The following SYNJ2 variants were observed in gnomAD, a reference collection of about 807,000 sequenced individuals.
SYNJ2 encodes synaptojanin 2.
A neutral mutation model predicts 141.3 loss-of-function variants in SYNJ2; 116 were observed. The observed-to-expected ratio is 0.82, with a 90% CI of 0.71 to 0.96. The LOEUF (loss-of-function observed/expected upper bound fraction) is 0.96. Among genes scored for constraint, SYNJ2 ranks in the 40% least tolerant of loss-of-function variants. SYNJ2 has a pLI of 0.00. For missense variants in SYNJ2, 1,873 were observed against 1,934.8 expected (o/e 0.97, Z 0.60); for synonymous variants, 745 against 777.7 (o/e 0.96, Z 0.70).
intron 18 of SYNJ2, among the ~76,000 whole-genome samples, chr6:158,079,528 A>G (rs1310842573): frequency 6.6e-6 from 1 of 151,832 alleles, no homozygotes; most frequent in Non-Finnish European, 1.5e-5. Context: ...GTGCATCACC[A>G]TGCCCGGCTG....
intron 7 of SYNJ2, 46 bp downstream of exon 7, chr6:158,059,399 G>A (rs1781068213): frequency 1.9e-6 from 3 of 1,545,150 alleles, no homozygotes; most frequent in East Asian, 2.5e-5. Context: ...GCGGCAGGTG[G>A]CCATGGTGGA....
rs1783926504 is a variant in SYNJ2 at position 158,099,048 on chromosome 6, C to T, written c.*2684C>T. 1 of 152,132 alleles carries T rather than the reference C, an allele frequency of 6.6e-6. No individual in the cohort carries two copies. Among genetic ancestry groups the T allele is most frequent in the Non-Finnish European group, 1.5e-5 (1 of 68,024 alleles). 9.4% of individuals were successfully genotyped at this position (152,132 alleles called of 1,614,324 possible). On this transcript the variant is annotated 3_prime_UTR_variant, in exon 27 of 27. Coordinates refer to ENST00000355585, the MANE Select transcript of SYNJ2 (RefSeq NM_003898.4). ...CGTTCACTTTATAATGAAGTCATTT[C>T]ATTGGGAAGGAAAGCTGCAAAGATT...
chr6:158,093,037 T>C lies in SYNJ2; in HGVS notation c.3677T>C (p.Leu1226Pro). The C allele has an allele frequency of 6.2e-7, 1 of 1,610,862 alleles. No homozygotes were observed. Among genetic ancestry groups the C allele is most frequent in the African/African-American group, 1.3e-5 (1 of 74,516 alleles). Residue 1226 changes from leucine (L) to proline (P), a missense_variant, in exon 26 of 27, where the codon CTC becomes CCC. Physicochemically the swap from Leu to Pro is moderately conservative, Grantham distance 98 (BLOSUM62 -3). Transcript: ENST00000355585. ...CCAGAGACCCCACAGGCGCCCCCAC[T>C]CCTTCCCCGTCGGCCCCCACCCAGA... ...AKPETPQAPP[L>P]LPRRPPPRVP...
At position 158,069,522 on chromosome 6, in the gene SYNJ2, T is replaced by C; in HGVS notation, c.1800-11T>C. On this transcript the variant is annotated splice_polypyrimidine_tract_variant and intron_variant, in intron 13 of 26. Coordinates refer to ENST00000355585, the MANE Select transcript of SYNJ2 (RefSeq NM_003898.4). ...TACCTGTAAACAGCATCCTTTCCTT[T>C]TCTCTTCCAGTACTACCAACAAGAA... 1 of 1,609,084 alleles carries C rather than the reference T, an allele frequency of 6.2e-7. No homozygotes were observed. The highest frequency in any genetic ancestry group is 1.1e-5 in the South Asian group (1 of 90,568).
chr6:158,071,762 A>G lies in SYNJ2; in HGVS notation c.2101A>G (p.Lys701Glu), dbSNP rs910813419. 14 of 1,613,786 alleles carry G rather than the reference A, an allele frequency of 8.7e-6. No homozygotes were observed. Among genetic ancestry groups the G allele is most frequent in the Non-Finnish European group, 1.2e-5 (14 of 1,180,016 alleles). ...SQVKERNEDY[K>E]EITQKLCFPM... is the part of the protein sequence containing the mutation. ...GGTGAAGGAGCGGAATGAAGACTAC[A>G]AGGAGATCACCCAGAAACTCTGCTT... The change falls in exon 15 of 27, where the codon AAG becomes GAG. Residue 701 changes from lysine (K) to glutamate (E), a missense_variant. Coordinates refer to ENST00000355585, the MANE Select transcript of SYNJ2 (RefSeq NM_003898.4). The surrounding 1 kb of genome is among the most constrained non-coding windows in gnomAD (Gnocchi z 4.3).
intron 4 of SYNJ2, among the ~76,000 whole-genome samples, chr6:158,039,231 AAC>A (rs1375940330): frequency 6.6e-6 from 1 of 152,242 alleles, no homozygotes; most frequent in African/African-American, 2.4e-5. Flanking sequence ...TCGTTTTTAA[AAC>A]ACAAAACACG....
At chr6:157,996,254 A>AC (rs1347727994) in intron 1 of SYNJ2, among the ~76,000 whole-genome samples, 1 of 151,504 alleles carries the variant, frequency 6.6e-6, no homozygotes, top group African/African-American at 2.4e-5. Flanking sequence ...CATCCAACCT[A>AC]CCAGCCAGTA....
intron 23 of SYNJ2, 46 bp from the exon 24 acceptor site, chr6:158,088,614 T>C (rs2128397571): frequency 6.9e-7 from 1 of 1,458,786 alleles, no homozygotes; most frequent in East Asian, 2.3e-5. Flanking sequence ...GCTGGGAAGT[T>C]GTGCCTTCAC....
chr6:158,054,029 CCCAT>C (rs1780722049), intron 5 of SYNJ2, among the ~76,000 whole-genome samples: 2 of 150,758 alleles, frequency 1.3e-5, no homozygotes, highest in African/African-American at 4.9e-5. Flanking sequence ...CATCTATTCA[CCCAT>C]CCATCCATCC....
chr6:158,048,928 TAGAC>T (rs1780404418), intron 5 of SYNJ2, among the ~76,000 whole-genome samples: 1 of 152,126 alleles, frequency 6.6e-6, no homozygotes, highest in Non-Finnish European at 1.5e-5. Flanking sequence ...GAGACACAAT[TAGAC>T]AGAAGTCTAG....
intron 23 of SYNJ2, 138 bp downstream of exon 23, chr6:158,087,127 G>A (rs747929419): frequency 1.8e-5 from 18 of 1,023,380 alleles, no homozygotes; most frequent in African/African-American, 3.2e-5. Context: ...CTTGGGCTCC[G>A]TTTTGTTGTA....
rs1223326229 is a variant in SYNJ2 at position 158,086,928 on chromosome 6, G to A, written c.3282G>A (p.Arg1094=). 2 of 1,608,528 alleles carry A rather than the reference G, an allele frequency of 1.2e-6. No homozygotes were observed. The highest frequency in any genetic ancestry group is 1.7e-6 in the Non-Finnish European group (2 of 1,180,010). The change falls in exon 23 of 27, where the codon AGG becomes AGA. Residue 1094 remains arginine (R), a synonymous_variant. Coordinates refer to ENST00000355585, the MANE Select transcript of SYNJ2 (RefSeq NM_003898.4). ...VGEFRHRSPS[R]SLSVPNRPRP... is the part of the protein sequence containing the mutation. ...AGTTCCGCCACCGTTCTCCGAGCAG[G>A]TCTCTGTCGGTCCCCAACCGGCCTC... is the stretch of plus-strand genomic sequence containing the variant.
rs565340157 is a variant in SYNJ2, at chr6:158,027,044, G to A, written c.215-1712G>A. On this transcript the variant is annotated intron_variant, in intron 2 of 26. Coordinates refer to ENST00000355585, the MANE Select transcript of SYNJ2 (RefSeq NM_003898.4). This position sits in a 1 kb window ranked among gnomAD's most constrained non-coding sequence, Gnocchi z 4.6. ...GGATCAACCCCCTGCCCTGCTGGCA[G>A]CCCCACCCCATGGCATAGCAGCAGG... The A allele has an allele frequency of 2.0e-6, 2 of 985,364 alleles. No individual in the cohort carries two copies. Among genetic ancestry groups the A allele is most frequent in the South Asian group, 4.7e-5 (1 of 21,288 alleles). The allele number at this position is 985,364 out of a possible 1,614,324, so 61.0% of individuals were successfully genotyped here.
intron 1 of SYNJ2, among the ~76,000 whole-genome samples, chr6:158,016,418 C>G (rs1024717541): frequency 6.6e-6 from 1 of 152,172 alleles, no homozygotes; most frequent in African/African-American, 2.4e-5. Flanking sequence ...CTGTGCCCGG[C>G]CAAAATGGAA....
In SYNJ2 at chr6:158,099,165, T is replaced by C. The variant is rs1361453126; in HGVS notation, c.*2801T>C. 5.3e-5 allele frequency: 8 copies of C among 152,230 alleles called. No individual in the cohort carries two copies. The highest frequency in any genetic ancestry group is 1.2e-4 in the Non-Finnish European group (8 of 68,048). 9.4% of individuals were successfully genotyped at this position (152,230 alleles called of 1,614,324 possible). ...ACATGATACCTATTAAATGTTTTTG[T>C]CTTTTTTTAAATTGGGTTTATTTCT... On this transcript the variant is annotated 3_prime_UTR_variant, in exon 27 of 27. Coordinates refer to ENST00000355585, the MANE Select transcript of SYNJ2 (RefSeq NM_003898.4).
intron 5 of SYNJ2, among the ~76,000 whole-genome samples, chr6:158,045,668 C>T (rs1420026511): frequency 6.6e-6 from 1 of 152,182 alleles, no homozygotes; most frequent in African/African-American, 2.4e-5. Flanking sequence ...GCCACCTTCC[C>T]TCCTGTTTCT....
intron 3 of SYNJ2, among the ~76,000 whole-genome samples, chr6:158,029,767 G>A (rs1050582388): frequency 2.6e-5 from 4 of 152,210 alleles, no homozygotes; most frequent in Admixed American, 6.5e-5. Flanking sequence ...TCGGGTCACC[G>A]TGCTAAGATC....
At chr6:157,999,433 G>A (rs1440209827) in intron 1 of SYNJ2, among the ~76,000 whole-genome samples, 6 of 152,366 alleles carry the variant, frequency 3.9e-5, no homozygotes, top group South Asian at 4.1e-4. Context: ...CCCATGGGAT[G>A]TTTGGTTGTC....
upstream of SYNJ2, chr6:157,981,750 G>T: frequency 2.8e-6 from 1 of 355,200 alleles, no homozygotes. This position sits in a 1 kb window ranked among gnomAD's most constrained non-coding sequence, Gnocchi z 6.4. Flanking sequence ...GGCCGGGCGG[G>T]AGGCGGCGGC....
Sources: allele counts gnomAD v4.1 joint callset (sites outside exome capture counted in the v4.1 genomes callset), GRCh38; gene constraint gnomAD v4.1.1; non-coding constraint Gnocchi (gnomAD v3.1); transcripts MANE v1.5; gene names NCBI Gene and HGNC (gene_info 2026-07-23, HGNC 2026-07-21).